The following LRRC4C variants were observed in gnomAD, a reference collection of about 807,000 sequenced individuals.
The protein encoded by LRRC4C is leucine-rich repeat-containing protein 4C.
Under a neutral mutation model 33.6 loss-of-function variants are expected in LRRC4C, and 5 were observed. The ratio of observed to expected loss-of-function variants is 0.15; its 90% CI spans 0.08 to 0.31. The LOEUF (loss-of-function observed/expected upper bound fraction) is 0.31, where lower values mean the gene tolerates loss of function less well. LRRC4C is among the 10% of genes least tolerant of loss of function. LRRC4C has a pLI of 1.00. For synonymous variants in LRRC4C, 329 were observed against 302.0 expected (o/e 1.09, Z -0.93); for missense variants, 560 against 796.7 (o/e 0.70, Z 3.58).
chr11:40,122,516 TC>T (rs1348712109), intron 6 of LRRC4C, among the ~76,000 whole-genome samples: 2 of 152,152 alleles, frequency 1.3e-5, no homozygotes, highest in African/African-American at 4.8e-5. Flanking sequence ...TATTTGGTTT[TC>T]TGTTCCTATG....
chr11:40,931,796 A>G (rs1189238291), intron 2 of LRRC4C, among the ~76,000 whole-genome samples: 1 of 152,100 alleles, frequency 6.6e-6, no homozygotes, highest in African/African-American at 2.4e-5. Context: ...TCCTCCAATG[A>G]TTTTGAAATG....
intron 3 of LRRC4C, among the ~76,000 whole-genome samples, chr11:40,538,950 G>A (rs1296749746): frequency 2.0e-5 from 3 of 152,154 alleles, no homozygotes; most frequent in Non-Finnish European, 4.4e-5. Flanking sequence ...CTTTTGAGAA[G>A]TGTCTGTTAA....
chr11:40,245,057 C>G (rs976825252), intron 4 of LRRC4C, among the ~76,000 whole-genome samples: 1 of 152,068 alleles, frequency 6.6e-6, no homozygotes, highest in Non-Finnish European at 1.5e-5. Context: ...TGTTTGTGAC[C>G]TCTGTTGTAA....
intron 2 of LRRC4C, among the ~76,000 whole-genome samples, chr11:40,886,137 A>G (rs1955441795): frequency 1.3e-5 from 2 of 152,094 alleles, no homozygotes; most frequent in African/African-American, 4.8e-5. Context: ...ATACACTTAT[A>G]TTTATTTATC....
At chr11:40,251,516 T>G (rs1344067862) in intron 4 of LRRC4C, among the ~76,000 whole-genome samples, 1 of 152,126 alleles carries the variant, frequency 6.6e-6, no homozygotes, top group African/African-American at 2.4e-5. Context: ...CCCAGCCTCA[T>G]GCCCCAAAGC....
At chr11:41,180,984 A>G (rs1207356533) in intron 1 of LRRC4C, among the ~76,000 whole-genome samples, 1 of 152,068 alleles carries the variant, frequency 6.6e-6, no homozygotes, top group Admixed American at 6.6e-5. Flanking sequence ...ATTCGTGCAG[A>G]CTCAGTTACC....
intron 4 of LRRC4C, among the ~76,000 whole-genome samples, chr11:40,303,331 A>G (rs1944871921): frequency 6.6e-6 from 1 of 152,022 alleles, no homozygotes; most frequent in Non-Finnish European, 1.5e-5. Context: ...TGCATGTGAG[A>G]TATTCTATTT....
chr11:40,526,958 C>A lies in LRRC4C; in HGVS notation c.-270+121184G>T, dbSNP rs182912351. ...CAGGAATAAATCTACTCATACATAG[C>A]CACTGATGTCTCAATGAGCTGAGGA... On this transcript the variant is annotated intron_variant, in intron 3 of 6. Coordinates refer to ENST00000528697, the MANE Select transcript of LRRC4C (RefSeq NM_001258419.2). Among the ~76,000 whole-genome samples the A allele has an allele frequency of 2.6e-3, 394 of 152,206 alleles. 1 individual carries two copies. Among genetic ancestry groups the A allele is most frequent in the Non-Finnish European group, 3.4e-3 (233 of 68,000 alleles).
chr11:41,071,252 G>T (rs542205800), intron 1 of LRRC4C, among the ~76,000 whole-genome samples: 4 of 151,950 alleles, frequency 2.6e-5, no homozygotes, highest in Non-Finnish European at 4.4e-5. Flanking sequence ...CCTATTAGGG[G>T]GTGGGATGCA....
chr11:40,340,962 T>C (rs1489800113), intron 3 of LRRC4C, among the ~76,000 whole-genome samples: 1 of 152,154 alleles, frequency 6.6e-6, no homozygotes, highest in Non-Finnish European at 1.5e-5. Flanking sequence ...AATCCATATA[T>C]TTCTGTTACA....
intron 3 of LRRC4C, among the ~76,000 whole-genome samples, chr11:40,393,520 A>G (rs1949417239): frequency 6.6e-6 from 1 of 152,174 alleles, no homozygotes; most frequent in African/African-American, 2.4e-5. Flanking sequence ...GGTCTAAGTC[A>G]GGAAGAAAAT....
intron 1 of LRRC4C, among the ~76,000 whole-genome samples, chr11:41,061,666 G>A (rs1937776503): frequency 1.3e-5 from 2 of 152,208 alleles, no homozygotes; most frequent in Admixed American, 6.5e-5. Flanking sequence ...AGGTACTTGT[G>A]AGAGCTATAA....
chr11:40,604,366 A>G (rs1960341404), intron 3 of LRRC4C, among the ~76,000 whole-genome samples: 1 of 152,094 alleles, frequency 6.6e-6, no homozygotes, highest in South Asian at 2.1e-4. Flanking sequence ...GTTATAATGT[A>G]TTGGGTACAA....
At chr11:41,325,541 A>T (rs1951081699) in intron 1 of LRRC4C, among the ~76,000 whole-genome samples, 1 of 143,470 alleles carries the variant, frequency 7.0e-6, no homozygotes, top group African/African-American at 2.6e-5. Flanking sequence ...TGTTTCACTT[A>T]TAAGGAAAAA....
At chr11:40,348,669 C>T (rs1947246449) in intron 3 of LRRC4C, among the ~76,000 whole-genome samples, 1 of 152,132 alleles carries the variant, frequency 6.6e-6, no homozygotes, top group Admixed American at 6.5e-5. Context: ...TTCACCAAAA[C>T]CCATGCAAAC....
At chr11:40,515,746 A>C (rs1955535077) in intron 3 of LRRC4C, among the ~76,000 whole-genome samples, 1 of 152,120 alleles carries the variant, frequency 6.6e-6, no homozygotes, top group Non-Finnish European at 1.5e-5. Context: ...ATTATTAAAA[A>C]TCAGGTGTTT....
chr11:41,269,771 A>C (rs1291538959), intron 1 of LRRC4C, among the ~76,000 whole-genome samples: 1 of 152,056 alleles, frequency 6.6e-6, no homozygotes, highest in Admixed American at 6.6e-5. Flanking sequence ...CAGGTTTCTA[A>C]ATGTCTTCAG....
intron 1 of LRRC4C, among the ~76,000 whole-genome samples, chr11:41,132,649 T>C (rs1343638636): frequency 1.3e-5 from 2 of 152,162 alleles, no homozygotes; most frequent in Admixed American, 1.3e-4. Context: ...GGGTGGTTTG[T>C]TTCCTTCATT....
chr11:40,690,160 T>C (rs1027924186), intron 2 of LRRC4C, among the ~76,000 whole-genome samples: 2 of 152,056 alleles, frequency 1.3e-5, no homozygotes, highest in Non-Finnish European at 2.9e-5. Context: ...ATTACAATGA[T>C]TACAAATACT....
Sources: gnomAD v4.1 joint callset for allele counts (sites outside exome capture counted in the v4.1 genomes callset) on GRCh38, gnomAD v4.1.1 for gene constraint, MANE v1.5 for transcripts, NCBI Gene and HGNC (gene_info 2026-07-23, HGNC 2026-07-21) for gene names.